ZNF76: variants seen among roughly 807,000 people sequenced by gnomAD.
ZNF76 encodes zinc finger protein 76.
A neutral mutation model predicts 66.9 loss-of-function variants in ZNF76; 66 were observed. The ratio of observed to expected loss-of-function variants is 0.99; its 90% confidence interval spans 0.81 to 1.21. ZNF76 has a LOEUF of 1.21. Among genes scored for constraint, ZNF76 ranks in the 50% most tolerant of loss-of-function variants. The pLI is 0.00. For synonymous variants in ZNF76, 275 were observed against 296.1 expected (o/e 0.93, Z 0.73); for missense variants, 729 against 760.3 (o/e 0.96, Z 0.48).
intron 1 of ZNF76, among the ~76,000 whole-genome samples, chr6:35,268,940 A>C (rs1489370856): frequency 6.6e-6 from 1 of 152,076 alleles, no homozygotes; most frequent in Non-Finnish European, 1.5e-5. Context: ...AGATATAGAA[A>C]TGTGATGGTC....
chr6:35,286,075 T>C, intron 2 of ZNF76, 53 bp from the exon 3 acceptor site: 1 of 1,573,888 alleles, frequency 6.4e-7, no homozygotes, highest in Admixed American at 1.7e-5. Context: ...GGCAGGCGTT[T>C]CTTAGCCCTC....
intron 2 of ZNF76, among the ~76,000 whole-genome samples, chr6:35,283,161 C>T (rs1361728322): frequency 6.6e-6 from 1 of 152,160 alleles, no homozygotes; most frequent in Non-Finnish European, 1.5e-5. Context: ...CCACTCTTTC[C>T]TTATATCTAT....
rs565469701 is a variant in ZNF76 at position 35,272,975 on chromosome 6, G to A, written c.-96-8081G>A. On this transcript the variant is annotated intron_variant, in intron 1 of 13. Coordinates refer to ENST00000373953, the MANE Select transcript of ZNF76 (RefSeq NM_003427.5). The stretch of plus-strand genomic sequence containing the variant: ...TCGAGACCAGCCAGGCCAACATGGC[G>A]AAACCCTGTCTGTACTAAAAATACA... Among the ~76,000 whole-genome samples, 24 of 152,112 alleles carry A rather than the reference G, an allele frequency of 1.6e-4. No individual in the cohort carries two copies. In the South Asian group the frequency reaches 4.4e-3, roughly 28 times the overall value.
At chr6:35,288,856 G>A (rs1789974105) in intron 5 of ZNF76, among the ~76,000 whole-genome samples, 2 of 151,768 alleles carry the variant, frequency 1.3e-5, no homozygotes, top group South Asian at 2.1e-4. Flanking sequence ...CAGCTACTGG[G>A]AAGCGGAGGT....
chr6:35,279,728 A>G (rs1344182044), intron 1 of ZNF76: 1 of 152,176 alleles, frequency 6.6e-6, no homozygotes, highest in Non-Finnish European at 1.5e-5. Flanking sequence ...CACTTGGCCA[A>G]TACCTCAATT....
intron 2 of ZNF76, among the ~76,000 whole-genome samples, chr6:35,284,025 C>T (rs2150363909): frequency 6.6e-6 from 1 of 152,264 alleles, no homozygotes; most frequent in Admixed American, 6.5e-5. Context: ...CCTGAGCGCT[C>T]AGTTTCCTAA....
At chr6:35,275,167 A>C (rs1340788785) in intron 1 of ZNF76, among the ~76,000 whole-genome samples, 1 of 151,628 alleles carries the variant, frequency 6.6e-6, no homozygotes, top group African/African-American at 2.4e-5. Context: ...AAAAAAAAAG[A>C]AAAAAAATTG....
intron 1 of ZNF76, among the ~76,000 whole-genome samples, chr6:35,267,951 G>C (rs1562088951): frequency 6.6e-6 from 1 of 152,132 alleles, no homozygotes; most frequent in Non-Finnish European, 1.5e-5. Flanking sequence ...TCCTTGCCAG[G>C]AGCTTCTCTT....
chr6:35,264,082 C>T (rs1266581039), intron 1 of ZNF76, among the ~76,000 whole-genome samples: 1 of 152,174 alleles, frequency 6.6e-6, no homozygotes, highest in Non-Finnish European at 1.5e-5. Flanking sequence ...TCATCTCTTC[C>T]CTCACATTTA....
intron 1 of ZNF76, among the ~76,000 whole-genome samples, chr6:35,273,977 G>GTTTAGAA (rs1787524263): frequency 1.3e-5 from 2 of 152,162 alleles, no homozygotes; most frequent in African/African-American, 4.8e-5. Flanking sequence ...TCTCTTCAGT[G>GTTTAGAA]TTTAGAAACC....
At chr6:35,273,180 C>CAA (rs1042331668) in intron 1 of ZNF76, among the ~76,000 whole-genome samples, 2 of 140,816 alleles carry the variant, frequency 1.4e-5, no homozygotes, top group African/African-American at 5.2e-5. Context: ...AAACAAAAAA[C>CAA]AAAAAAAAAA....
In ZNF76 at chr6:35,290,285, T is replaced by C. The variant is rs1295588448; in HGVS notation, c.452T>C (p.Ile151Thr). 1 of 1,614,170 alleles carries C rather than the reference T, an allele frequency of 6.2e-7. No homozygotes were observed. The highest frequency in any genetic ancestry group is 1.7e-5 in the Admixed American group (1 of 60,020). Residue 151 changes from isoleucine (I) to threonine (T), a missense_variant, in exon 6 of 14, where the codon ATT becomes ACT. Transcript: ENST00000373953. ...CCCCAGGTTCTTCATGACAGCCAGATTCCCCGTAATGGAAAAGGGCAGCAA... is the reference window on the plus strand; with the variant it reads ...CCCCAGGTTCTTCATGACAGCCAGACTCCCCGTAATGGAAAAGGGCAGCAA... ...YASKVLHDSQ[I>T]PRNGKGQQVG...
chr6:35,260,061 C>T (rs1435899904), intron 1 of ZNF76, among the ~76,000 whole-genome samples: 1 of 152,004 alleles, frequency 6.6e-6, no homozygotes, highest in Non-Finnish European at 1.5e-5. Flanking sequence ...AACCTCACCC[C>T]GTGACGGCGC....
chr6:35,266,233 A>C (rs1786040959), intron 1 of ZNF76, among the ~76,000 whole-genome samples: 1 of 151,698 alleles, frequency 6.6e-6, no homozygotes, highest in African/African-American at 2.4e-5. Context: ...GCTCACTGCA[A>C]CCTCCGCCTC....
At chr6:35,267,100 C>G (rs1374499251) in intron 1 of ZNF76, among the ~76,000 whole-genome samples, 1 of 149,736 alleles carries the variant, frequency 6.7e-6, no homozygotes, top group Non-Finnish European at 1.5e-5. Flanking sequence ...CATCCGGCCC[C>G]TTATCTGTTT....
At chr6:35,276,493 C>T (rs1416540841) in intron 1 of ZNF76, among the ~76,000 whole-genome samples, 1 of 152,164 alleles carries the variant, frequency 6.6e-6, no homozygotes, top group Non-Finnish European at 1.5e-5. Flanking sequence ...AAGCAAGTGC[C>T]ACTATTATCC....
Position 35,295,316 on chromosome 6 carries a change from A to G in ZNF76, c.*68A>G, listed in dbSNP as rs543320740. On this transcript the variant is annotated 3_prime_UTR_variant, in exon 14 of 14. Coordinates refer to ENST00000373953, the MANE Select transcript of ZNF76 (RefSeq NM_003427.5). ...ATCTGCATGGCCACTCTTGCCCCCA[A>G]GGGCCCAGGCTGTGGCTGACACATA... 1.7e-4 allele frequency: 240 copies of G among 1,377,440 alleles called. 1 individual carries two copies. In the African/African-American group the frequency reaches 3.1e-3, roughly 18 times the overall value. 85.3% of individuals were successfully genotyped at this position (1,377,440 alleles called of 1,614,324 possible). A position where few individuals can be genotyped will look rare whatever the true frequency, so the allele number is the denominator to read the frequency against.
At chr6:35,263,727 C>G (rs1785579029) in intron 1 of ZNF76, among the ~76,000 whole-genome samples, 1 of 152,146 alleles carries the variant, frequency 6.6e-6, no homozygotes, top group Non-Finnish European at 1.5e-5. Flanking sequence ...TCTGTGAGCT[C>G]TGTGAGAACA....
In ZNF76 at chr6:35,291,571, C is replaced by T. The variant is rs371650036; in HGVS notation, c.765C>T (p.Phe255=). The T allele has an allele frequency of 2.9e-5, 47 of 1,613,646 alleles. No individual in the cohort carries two copies. The highest frequency in any genetic ancestry group is 3.9e-5 in the Non-Finnish European group (46 of 1,179,670). The part of the protein sequence containing the change: ...HVRTHTGERP[F]QCPFEGCGRS... The stretch of plus-strand genomic sequence containing the variant: ...CCATTTGCATAGGTGAACGCCCGTT[C>T]CAGTGCCCTTTTGAGGGCTGTGGCC... The change falls in exon 9 of 14, where the codon TTC becomes TTT. Residue 255 remains phenylalanine, a synonymous_variant. Coordinates refer to ENST00000373953, the MANE Select transcript of ZNF76 (RefSeq NM_003427.5).
Sources: gnomAD v4.1 joint callset for allele counts (sites outside exome capture counted in the v4.1 genomes callset) on GRCh38, gnomAD v4.1.1 for gene constraint, MANE v1.5 for transcripts, NCBI Gene and HGNC (gene_info 2026-07-23, HGNC 2026-07-21) for gene names.